MED13L: variants seen among roughly 807,000 people sequenced by gnomAD.
MED13L encodes the protein mediator complex subunit 13L, also known as mediator of RNA polymerase II transcription subunit 13-like.
MED13L carries 7 observed loss-of-function variants against 220.9 expected under a neutral mutation model. The ratio of observed to expected loss-of-function variants is 0.03; its 90% confidence interval spans 0.02 to 0.06. The LOEUF is 0.06. MED13L is among the 10% of genes least tolerant of loss of function. The pLI is 1.00. For synonymous variants in MED13L, 1,011 were observed against 1,015.2 expected, an observed-to-expected ratio of 1.00 and a Z score of 0.08; for missense variants, 1,965 against 2,760.5, an observed-to-expected ratio of 0.71 and a Z score of 6.46.
chr12:116,146,297 G>A (rs1486993740), intron 2 of MED13L, among the ~76,000 whole-genome samples: 1 of 151,886 alleles, frequency 6.6e-6, no homozygotes, highest in Non-Finnish European at 1.5e-5. Context: ...TAATTTTTAT[G>A]TTTTAGTAGA....
chr12:116,064,164 C>T (rs1450226127), intron 4 of MED13L, among the ~76,000 whole-genome samples: 2 of 150,864 alleles, frequency 1.3e-5, no homozygotes, highest in Non-Finnish European at 3.0e-5. Flanking sequence ...ACTTGGGTGA[C>T]AGAACAAGAC....
intron 4 of MED13L, among the ~76,000 whole-genome samples, chr12:116,024,789 G>GGGGGGGGGGGTTT (rs1175230125): frequency 1.2e-5 from 1 of 82,938 alleles, no homozygotes. Context: ...GGGGGGGGAG[G>GGGGGGGGGGGTTT]TGATCTTGTT....
At chr12:115,977,972 G>C (rs1465918669) in intron 23 of MED13L, among the ~76,000 whole-genome samples, 1 of 152,024 alleles carries the variant, frequency 6.6e-6, no homozygotes, top group Non-Finnish European at 1.5e-5. Flanking sequence ...CACCACCCTG[G>C]GTGACAGAGC....
intron 4 of MED13L, among the ~76,000 whole-genome samples, chr12:116,059,042 T>C (rs1869218450): frequency 6.6e-6 from 1 of 152,214 alleles, no homozygotes; most frequent in African/African-American, 2.4e-5. Context: ...AAAGTTTACA[T>C]CTGTACATCA....
chr12:116,088,549 C>T (rs1003603946), intron 4 of MED13L, among the ~76,000 whole-genome samples: 1 of 152,000 alleles, frequency 6.6e-6, no homozygotes, highest in Non-Finnish European at 1.5e-5. Context: ...GCTGAAAATC[C>T]TACAATGCAC....
chr12:116,248,655 A>G (rs1157695005), intron 1 of MED13L, among the ~76,000 whole-genome samples: 2 of 152,214 alleles, frequency 1.3e-5, no homozygotes, highest in Admixed American at 6.5e-5. Context: ...TCAGTACACA[A>G]CTGTCCCATT....
chr12:116,101,615 A>G (rs2137841069), intron 3 of MED13L, among the ~76,000 whole-genome samples: 1 of 152,384 alleles, frequency 6.6e-6, no homozygotes, highest in East Asian at 1.9e-4. Flanking sequence ...GTAGATTCAT[A>G]GACACTAAAA....
chr12:116,117,413 A>T (rs181952768), intron 2 of MED13L, among the ~76,000 whole-genome samples: 4 of 152,200 alleles, frequency 2.6e-5, no homozygotes, highest in Admixed American at 2.6e-4. Flanking sequence ...TTATTTACTA[A>T]ATAATGTATT....
intron 1 of MED13L, among the ~76,000 whole-genome samples, chr12:116,254,013 G>A (rs1031145210): frequency 1.3e-5 from 2 of 151,764 alleles, no homozygotes; most frequent in Non-Finnish European, 2.9e-5. Context: ...CACCCACCTC[G>A]GCCTCCCAAA....
chr12:116,229,399 CATA>C (rs1869326601), intron 2 of MED13L, among the ~76,000 whole-genome samples: 2 of 152,058 alleles, frequency 1.3e-5, no homozygotes, highest in Non-Finnish European at 2.9e-5. Flanking sequence ...AACATTAGGC[CATA>C]ATAACTATAC....
intron 4 of MED13L, among the ~76,000 whole-genome samples, chr12:116,082,108 T>A (rs1256851093): frequency 6.6e-6 from 1 of 152,190 alleles, no homozygotes; most frequent in East Asian, 1.9e-4. Flanking sequence ...ATTAGTTACT[T>A]CCAATGACAG....
intron 19 of MED13L, among the ~76,000 whole-genome samples, chr12:115,985,989 T>G (rs1254287959): frequency 6.6e-6 from 1 of 152,170 alleles, no homozygotes; most frequent in Non-Finnish European, 1.5e-5. Flanking sequence ...TTCTTCAACT[T>G]TTAGCACATA....
intron 4 of MED13L, chr12:116,082,757 C>T (rs748504056): frequency 1.3e-5 from 2 of 151,986 alleles, no homozygotes; most frequent in African/African-American, 2.4e-5. Flanking sequence ...GTAGTGGGTC[C>T]TAATAGTCAA....
chr12:116,143,330 C>CAA (rs776961298), intron 2 of MED13L, among the ~76,000 whole-genome samples: 10 of 81,196 alleles, frequency 1.2e-4, no homozygotes, highest in South Asian at 3.8e-4. Flanking sequence ...CACCTTGTCT[C>CAA]AAAAAAAAAA....
chr12:116,018,071 C>G (rs933983887), intron 7 of MED13L, among the ~76,000 whole-genome samples: 1 of 151,876 alleles, frequency 6.6e-6, no homozygotes, highest in Non-Finnish European at 1.5e-5. Flanking sequence ...TTGAATATTG[C>G]TTTAAATTAT....
chr12:116,007,634 AGTC>A lies in MED13L; in HGVS notation c.2013-1_2014del. On this transcript the variant is annotated splice_acceptor_variant and coding_sequence_variant, in exon 11 of 31. Transcript: ENST00000281928. LOFTEE classifies it high-confidence loss of function. The stretch of plus-strand genomic sequence containing the variant: ...AAACCGTTTGTTAGGTTGTGCTAAG[AGTC>A]TAAAAGACAAAAAAAAAAAAAAAAA... 1 of 1,266,750 alleles carries A rather than the reference AGTC, an allele frequency of 7.9e-7. No homozygotes were observed. Among genetic ancestry groups the A allele is most frequent in the Non-Finnish European group, 1.1e-6 (1 of 889,840 alleles). The allele number at this position is 1,266,750 out of a possible 1,614,324, so 78.5% of individuals were successfully genotyped here. A position where few individuals can be genotyped will look rare whatever the true frequency, so the allele number is the denominator to read the frequency against.
intron 1 of MED13L, among the ~76,000 whole-genome samples, chr12:116,260,592 G>T (rs139433854): frequency 9.1e-4 from 139 of 152,146 alleles, no homozygotes; most frequent in African/African-American, 3.2e-3. Context: ...TAAGTGTCAC[G>T]GAAACAAAGA....
Position 115,959,746 on chromosome 12 carries a change from CACA to C in MED13L, c.*1517_*1519del, listed in dbSNP as rs1336764601. The C allele has an allele frequency of 6.6e-6, 1 of 152,604 alleles. No individual in the cohort carries two copies. The highest frequency in any genetic ancestry group is 2.4e-5 in the African/African-American group (1 of 41,436). The allele number at this position is 152,604 out of a possible 1,614,324, so 9.5% of individuals were successfully genotyped here. A position where few individuals can be genotyped will look rare whatever the true frequency, so the allele number is the denominator to read the frequency against. On this transcript the variant is annotated 3_prime_UTR_variant, in exon 31 of 31. Transcript: ENST00000281928. Reference sequence around the variant, plus strand: ...TTTCTCTGCTTTCACATTCCCACCACACAACTTTTTTTTTAATATAATGTTTTA... The same window carrying C: ...TTTCTCTGCTTTCACATTCCCACCACACTTTTTTTTTAATATAATGTTTTA...
intron 4 of MED13L, among the ~76,000 whole-genome samples, chr12:116,088,960 T>A (rs1223786048): frequency 6.6e-6 from 1 of 151,792 alleles, no homozygotes; most frequent in African/African-American, 2.4e-5. Flanking sequence ...ACACAACCAA[T>A]GGAGAAAAAT....
Sources: allele counts gnomAD v4.1 joint callset (sites outside exome capture counted in the v4.1 genomes callset), GRCh38; gene constraint gnomAD v4.1.1; transcripts MANE v1.5; gene names NCBI Gene and HGNC (gene_info 2026-07-23, HGNC 2026-07-21).